PAX2: variants seen among roughly 807,000 people sequenced by gnomAD.
PAX2 encodes the protein paired box 2.
Under a neutral mutation model 41.7 loss-of-function variants are expected in PAX2, and 9 were observed. The observed-to-expected ratio is 0.22, with a 90% CI of 0.13 to 0.38. The LOEUF is 0.38. Among genes scored for constraint, PAX2 ranks in the 10% least tolerant of loss-of-function variants. The pLI, the probability that PAX2 is intolerant of heterozygous loss-of-function variation, is 1.00. For synonymous variants in PAX2, 221 were observed against 212.7 expected (o/e 1.04, Z -0.34); for missense variants, 418 against 531.6 (o/e 0.79, Z 2.10).
chr10:100,759,452 G>A (rs1352310092), intron 3 of PAX2, among the ~76,000 whole-genome samples: 1 of 152,196 alleles, frequency 6.6e-6, no homozygotes, highest in East Asian at 1.9e-4. Context: ...GTCCCTGGCA[G>A]GCTGGAGAGG....
chr10:100,749,653 T>G, intron 1 of PAX2, 93 bp from the exon 2 acceptor site: 1 of 1,535,812 alleles, frequency 6.5e-7, no homozygotes, highest in South Asian at 1.3e-5. Flanking sequence ...CCGCCCTGCC[T>G]GCTTCCTTCG....
intron 5 of PAX2, among the ~76,000 whole-genome samples, chr10:100,786,046 G>T (rs1335893730): frequency 1.3e-5 from 2 of 152,188 alleles, no homozygotes; most frequent in Admixed American, 1.3e-4. Flanking sequence ...TGTGTATCTG[G>T]GAAAGAAAGC....
chr10:100,756,719 T>C (rs1487135270), intron 3 of PAX2, among the ~76,000 whole-genome samples: 1 of 152,230 alleles, frequency 6.6e-6, no homozygotes, highest in Non-Finnish European at 1.5e-5. Context: ...AAATAATTTA[T>C]TTTTCACTTC....
At chr10:100,774,733 T>C (rs1249724048) in intron 3 of PAX2, among the ~76,000 whole-genome samples, 2 of 152,186 alleles carry the variant, frequency 1.3e-5, no homozygotes, top group Non-Finnish European at 2.9e-5. Flanking sequence ...CACAGTCCTA[T>C]GAAGTGTATG....
In PAX2 at chr10:100,748,620, T is replaced by C; in HGVS notation, c.44-1126T>C. 1 of 985,422 alleles carries C rather than the reference T, an allele frequency of 1.0e-6. No individual in the cohort carries two copies. Among genetic ancestry groups the C allele is most frequent in the Non-Finnish European group, 1.2e-6 (1 of 829,914 alleles). The allele number at this position is 985,422 out of a possible 1,614,324, so 61.0% of individuals were successfully genotyped here. ...TTGATCGCTCTGGGTGCAGGATTTC[T>C]AGACTGCTGTAGGCCAGGGAGAATG... On this transcript the variant is annotated intron_variant, in intron 1 of 9. Coordinates refer to ENST00000355243, the MANE Select transcript of PAX2 (RefSeq NM_000278.5). The surrounding 1 kb of genome is among the most constrained non-coding windows in gnomAD (Gnocchi z 5.0).
At chr10:100,752,852 C>T (rs980855620) in intron 3 of PAX2, among the ~76,000 whole-genome samples, 7 of 152,162 alleles carry the variant, frequency 4.6e-5, no homozygotes, top group Non-Finnish European at 1.0e-4. Context: ...TACTTCTATC[C>T]TGAAAAGCCA....
At chr10:100,749,414 T>C (rs541440893) in intron 1 of PAX2, 1 of 1,158,718 alleles carries the variant, frequency 8.6e-7, no homozygotes, top group Non-Finnish European at 1.1e-6. Flanking sequence ...TCTTACGCCC[T>C]TTCCGCTGGC....
At chr10:100,759,401 C>T (rs73347622) in intron 3 of PAX2, among the ~76,000 whole-genome samples, 7,911 of 152,292 alleles carry the variant, frequency 0.052, 579 homozygotes, top group African/African-American at 0.16. Context: ...TGTGGCCCCT[C>T]TCGGCAGGCT....
At chr10:100,784,684 A>C (rs889188695) in intron 5 of PAX2, among the ~76,000 whole-genome samples, 4 of 152,254 alleles carry the variant, frequency 2.6e-5, no homozygotes, top group Non-Finnish European at 5.9e-5. Flanking sequence ...TGGTGTTCAC[A>C]GTGATAATGC....
In PAX2 at chr10:100,778,956, G is replaced by A. The variant is rs564022266; in HGVS notation, c.411-542G>A. On this transcript the variant is annotated intron_variant, in intron 3 of 9. Transcript: ENST00000355243. ...GTTGGAGTCCTGGGGACAAAAGAAA[G>A]GGTCACCTGTGACCCAGCCCCTCCC... is the stretch of plus-strand genomic sequence containing the variant. Among the ~76,000 whole-genome samples the A allele has an allele frequency of 5.0e-4, 76 of 152,264 alleles. 1 individual carries two copies. In the South Asian group the frequency reaches 0.015, roughly 29 times the overall value.
intron 1 of PAX2, 156 bp from the exon 2 acceptor site, chr10:100,749,590 G>C (rs1026817701): frequency 1.1e-4 from 163 of 1,426,404 alleles, no homozygotes; most frequent in Non-Finnish European, 1.4e-4. Context: ...CCACTCCTCC[G>C]CGTGGTCGTG....
At chr10:100,780,688 C>G (rs866045277) in intron 4 of PAX2, among the ~76,000 whole-genome samples, 1 of 152,186 alleles carries the variant, frequency 6.6e-6, no homozygotes, top group African/African-American at 2.4e-5. Context: ...TCCTGGGGAA[C>G]ATCAGGACCA....
intron 3 of PAX2, among the ~76,000 whole-genome samples, chr10:100,762,416 A>G (rs1257367413): frequency 6.6e-6 from 1 of 152,170 alleles, no homozygotes; most frequent in Non-Finnish European, 1.5e-5. Flanking sequence ...CTTCTTGCAC[A>G]TAAGGAGAGC....
intron 5 of PAX2, among the ~76,000 whole-genome samples, chr10:100,781,716 C>T (rs1038903367): frequency 6.6e-6 from 1 of 152,224 alleles, no homozygotes; most frequent in African/African-American, 2.4e-5. Flanking sequence ...GCCAACCTAC[C>T]TTGTCCTTAC....
At position 100,748,357 on chromosome 10, in the gene PAX2, G is replaced by C. The variant is rs1276759621; in HGVS notation, c.44-1389G>C. On this transcript the variant is annotated intron_variant, in intron 1 of 9. Transcript: ENST00000355243. The surrounding 1 kb of genome is among the most constrained non-coding windows in gnomAD (Gnocchi z 5.0). ...GGTGGGCAAGGGGGTAAAAGAAGGG[G>C]CTTCAGTCTCTCCCAGCAACGCGAT... 1 of 983,974 alleles carries C rather than the reference G, an allele frequency of 1.0e-6. No individual in the cohort carries two copies. Among genetic ancestry groups the C allele is most frequent in the East Asian group, 1.1e-4 (1 of 8,754 alleles). 61.0% of individuals were successfully genotyped at this position (983,974 alleles called of 1,614,324 possible).
At chr10:100,802,381 A>C (rs1289248470) in intron 5 of PAX2, among the ~76,000 whole-genome samples, 1 of 152,214 alleles carries the variant, frequency 6.6e-6, no homozygotes, top group Non-Finnish European at 1.5e-5. Context: ...TCTGCTGCTC[A>C]CCAGGAACAC....
intron 6 of PAX2, among the ~76,000 whole-genome samples, chr10:100,807,194 C>A (rs1300466690): frequency 1.3e-5 from 2 of 152,138 alleles, no homozygotes; most frequent in Non-Finnish European, 2.9e-5. Context: ...TGGGGCACAG[C>A]ATGTAACACA....
chr10:100,809,913 G>T (rs1316028979), intron 7 of PAX2, among the ~76,000 whole-genome samples: 1 of 152,224 alleles, frequency 6.6e-6, no homozygotes, highest in African/African-American at 2.4e-5. Flanking sequence ...TAGTTTGGAA[G>T]GGGAGGTGGA....
At position 100,745,674 on chromosome 10, in the gene PAX2, T is replaced by G; in HGVS notation, c.-587T>G. 1.0e-5 allele frequency: 9 copies of G among 865,672 alleles called. No homozygotes were observed. Among genetic ancestry groups the G allele is most frequent in the African/African-American group, 1.8e-5 (1 of 55,308 alleles). The allele number at this position is 865,672 out of a possible 1,614,324, so 53.6% of individuals were successfully genotyped here. On this transcript the variant is annotated 5_prime_UTR_variant, in exon 1 of 10. Transcript: ENST00000355243. ...CGGCTCCCTCCCTCCCTCCCGGCCC[T>G]TCGGCCGCGGCGGCGTGCGCCTGCC...
Sources: gnomAD v4.1 joint callset for allele counts (sites outside exome capture counted in the v4.1 genomes callset) on GRCh38, gnomAD v4.1.1 for gene constraint, Gnocchi (gnomAD v3.1) non-coding constraint, MANE v1.5 for transcripts, NCBI Gene and HGNC (gene_info 2026-07-23, HGNC 2026-07-21) for gene names.